The following ASCC3 variants were observed in gnomAD, a reference collection of about 807,000 sequenced individuals.
The protein encoded by ASCC3 is activating signal cointegrator 1 complex subunit 3.
A neutral mutation model predicts 256.3 loss-of-function variants in ASCC3; 158 were observed. That is an observed-to-expected ratio of 0.62 (90% CI 0.54 to 0.70). The LOEUF (loss-of-function observed/expected upper bound fraction) is 0.70. ASCC3 is among the 30% of genes least tolerant of loss of function. ASCC3 has a pLI of 0.00. For missense variants in ASCC3, 2,259 were observed against 2,626.0 expected (o/e 0.86, Z 3.05); for synonymous variants, 948 against 883.4 (o/e 1.07, Z -1.30).
intron 14 of ASCC3, among the ~76,000 whole-genome samples, chr6:100,669,691 AAAC>A: frequency 6.6e-6 from 1 of 152,006 alleles, no homozygotes; most frequent in Middle Eastern, 3.4e-3. Context: ...AATTCTATGA[AAAC>A]AAAATAAGTA....
chr6:100,818,562 C>A (rs1186085689), intron 4 of ASCC3, among the ~76,000 whole-genome samples: 1 of 118,464 alleles, frequency 8.4e-6, no homozygotes, highest in Non-Finnish European at 1.8e-5. Context: ...GGGCAAGACT[C>A]CGTCTCAAAA....
In ASCC3 at chr6:100,663,666, A is replaced by T. The variant is rs370099429; in HGVS notation, c.2287-1130T>A. On this transcript the variant is annotated intron_variant, in intron 14 of 41. Transcript: ENST00000369162. ...CTTAAGGGAATAAAAACGAAATTGT[A>T]TGCTGAGGTTGCTAAAATCGATGGT... 5.9e-5 allele frequency among the ~76,000 whole-genome samples: 9 copies of T among 152,258 alleles called. No homozygotes were observed. The South Asian group carries it at 1.9e-3, about 32-fold the overall frequency.
At chr6:100,528,879 C>T (rs1003735230) in intron 37 of ASCC3, among the ~76,000 whole-genome samples, 1 of 152,196 alleles carries the variant, frequency 6.6e-6, no homozygotes, top group Non-Finnish European at 1.5e-5. Flanking sequence ...CCTTGGAAGA[C>T]AGATCTTTAC....
At chr6:100,527,081 C>T (rs1774612644) in intron 37 of ASCC3, among the ~76,000 whole-genome samples, 2 of 151,942 alleles carry the variant, frequency 1.3e-5, no homozygotes, top group African/African-American at 4.8e-5. Context: ...ATCTATATAC[C>T]CCAAGCATTG....
rs1213430155 is a variant in ASCC3, at chr6:100,848,453, T to A, written c.496A>T (p.Asn166Tyr). The A allele has an allele frequency of 1.2e-6, 2 of 1,610,858 alleles. No homozygotes were observed. The highest frequency in any genetic ancestry group is 3.4e-5 in the Admixed American group (2 of 59,452). ...EHGDRVFFGKNLAFSFDMHDL... is the reference protein window; with the variant it reads ...EHGDRVFFGKYLAFSFDMHDL... ...TGCATGTCAAATGAAAATGCTAAAT[T>A]TTTACCAAAAAAAACCCTATCGCCA... Residue 166 changes from asparagine (N) to tyrosine (Y), a missense_variant, in exon 4 of 42, where the codon AAT becomes TAT. By Grantham distance (143) the Asn-to-Tyr change is moderately radical. This residue lies in a region of ASCC3 where 420 missense variants were observed against 419.3 expected (regional missense o/e 1.00). Transcript: ENST00000369162.
At chr6:100,530,862 T>C (rs1415319381) in intron 37 of ASCC3, 12 of 1,277,656 alleles carry the variant, frequency 9.4e-6, no homozygotes, top group African/African-American at 2.9e-5. Flanking sequence ...CTTAGACTTA[T>C]GGAATAAATT....
intron 25 of ASCC3, among the ~76,000 whole-genome samples, chr6:100,634,389 C>G (rs968204559): frequency 9.9e-5 from 15 of 152,142 alleles, no homozygotes; most frequent in African/African-American, 3.6e-4. Flanking sequence ...ACCATCCTCT[C>G]CTTATCTCTC....
intron 1 of ASCC3, among the ~76,000 whole-genome samples, chr6:100,880,111 T>C (rs919926659): frequency 5.3e-5 from 8 of 152,024 alleles, no homozygotes; most frequent in African/African-American, 1.9e-4. Flanking sequence ...CCATGAAAAA[T>C]TAATTTCTCA....
chr6:100,856,798 G>A (rs574755127), intron 3 of ASCC3: 4 of 152,152 alleles, frequency 2.6e-5, no homozygotes, highest in African/African-American at 7.2e-5. Flanking sequence ...GCTGTAATCC[G>A]TTACTGCTAT....
At chr6:100,585,877 G>A (rs187901039) in intron 36 of ASCC3, among the ~76,000 whole-genome samples, 301 of 152,262 alleles carry the variant, frequency 2.0e-3, no homozygotes, top group Non-Finnish European at 3.7e-3. Flanking sequence ...TATCAGCAGC[G>A]GTGTCTGCAG....
intron 30 of ASCC3, among the ~76,000 whole-genome samples, chr6:100,623,027 C>A (rs578180247): frequency 6.6e-6 from 1 of 152,062 alleles, no homozygotes; most frequent in Non-Finnish European, 1.5e-5. Context: ...GAAAAGTGTC[C>A]ATTTGGAAGA....
rs1479555411 is a variant in ASCC3, at chr6:100,548,632, AG to A, written c.5551-8246del. ...ATTTGATATGGTGACAAGTGCTATG[AG>A]GAAGAGATACATGGAAACATGAGAG... is the stretch of plus-strand genomic sequence containing the variant. On this transcript the variant is annotated intron_variant, in intron 36 of 41. Coordinates refer to ENST00000369162, the MANE Select transcript of ASCC3 (RefSeq NM_006828.4). Among the ~76,000 whole-genome samples, 6 of 152,082 alleles carry A rather than the reference AG, an allele frequency of 3.9e-5. No individual in the cohort carries two copies. In the East Asian group the frequency reaches 1.2e-3, roughly 29 times the overall value.
At chr6:100,768,119 T>C (rs1002076975) in intron 8 of ASCC3, among the ~76,000 whole-genome samples, 3 of 152,148 alleles carry the variant, frequency 2.0e-5, no homozygotes, top group African/African-American at 7.2e-5. Context: ...CATATGTTTA[T>C]AAAAAAACCT....
rs1774970699 is a variant in ASCC3, at chr6:100,638,788, G to A, written c.3935C>T (p.Ala1312Val). The change falls in exon 25 of 42, where the codon GCT becomes GTT. Residue 1312 changes from alanine (A) to valine (V), a missense_variant. Physicochemically the swap from Ala to Val is moderately conservative, Grantham distance 64 (BLOSUM62 0). Around this residue, in one of 2 missense-constraint regions of ASCC3, gnomAD observed 1,839 missense variants for 2,206.7 expected, o/e 0.83. Coordinates refer to ENST00000369162, the MANE Select transcript of ASCC3 (RefSeq NM_006828.4). ...GGCTTCATATGCTTTACATCCCAAA[G>A]CTGTGATTGGTAAAGGCTGAAGATC... ...LLDLQPLPIT[A>V]LGCKAYEALY... 2 of 1,613,972 alleles carry A rather than the reference G, an allele frequency of 1.2e-6. No individual in the cohort carries two copies. Among genetic ancestry groups the A allele is most frequent in the South Asian group, 2.2e-5 (2 of 91,092 alleles).
chr6:100,602,190 C>T (rs1022608558), intron 33 of ASCC3, among the ~76,000 whole-genome samples: 4 of 151,794 alleles, frequency 2.6e-5, no homozygotes, highest in South Asian at 2.1e-4. Context: ...CAGGTGAACC[C>T]GTATTATTCA....
rs553498871 is a variant in ASCC3 at position 100,753,220 on chromosome 6, A to G, written c.1737+13345T>C. On this transcript the variant is annotated intron_variant, in intron 10 of 41. Transcript: ENST00000369162. ...TATATTTCATGTAAATTGAAATTAG[A>G]GAAAGAAAAGGTAACAATTCTAATT... is the stretch of plus-strand genomic sequence containing the variant. Among the ~76,000 whole-genome samples the G allele has an allele frequency of 3.4e-4, 52 of 152,228 alleles. No homozygotes were observed. The South Asian group carries it at 0.01, about 30-fold the overall frequency.
intron 40 of ASCC3, among the ~76,000 whole-genome samples, chr6:100,512,266 G>A (rs1773801231): frequency 6.6e-6 from 1 of 152,128 alleles, no homozygotes; most frequent in Non-Finnish European, 1.5e-5. Flanking sequence ...AGCCCAATGT[G>A]GTTCCTGTAT....
At chr6:100,745,504 CAAAAAAAA>C (rs10711038) in intron 10 of ASCC3, among the ~76,000 whole-genome samples, 10 of 144,242 alleles carry the variant, frequency 6.9e-5, no homozygotes, top group African/African-American at 2.3e-4. Context: ...AAAACCTAAC[CAAAAAAAA>C]AAAACAAAAA....
In ASCC3 at chr6:100,718,204, A is replaced by G; in HGVS notation, c.1950T>C (p.Thr650=). The change falls in exon 12 of 42, where the codon ACT becomes ACC. Residue 650 remains threonine (T), a synonymous_variant. Coordinates refer to ENST00000369162, the MANE Select transcript of ASCC3 (RefSeq NM_006828.4). ...SMIRILGLSA[T]LPNYLDVATF... ...TGGCAACATCGAGGTAGTTAGGTAA[A>G]GTTGCAGACAGTCCGAGAATCCTTA... 6.2e-7 allele frequency: 1 copy of G among 1,613,206 alleles called. No individual in the cohort carries two copies. Among genetic ancestry groups the G allele is most frequent in the Non-Finnish European group, 8.5e-7 (1 of 1,179,316 alleles).
Sources: gnomAD v4.1 joint callset for allele counts (sites outside exome capture counted in the v4.1 genomes callset) on GRCh38, gnomAD v4.1.1 for gene constraint, gnomAD v4.1.1 regional missense constraint, MANE v1.5 for transcripts, NCBI Gene and HGNC (gene_info 2026-07-23, HGNC 2026-07-21) for gene names.